The following ADAMTS17 variants were observed in gnomAD, a reference collection of about 807,000 sequenced individuals.
ADAMTS17 encodes the protein ADAM metallopeptidase with thrombospondin type 1 motif 17.
Under a neutral mutation model 141.5 loss-of-function variants are expected in ADAMTS17, and 113 were observed. The observed-to-expected ratio is 0.80, with a 90% confidence interval of 0.69 to 0.93. ADAMTS17 has a LOEUF of 0.93. Among genes scored for constraint, ADAMTS17 ranks in the 40% least tolerant of loss-of-function variants. The pLI is 0.00. For missense variants in ADAMTS17, 1,659 were observed against 1,517.9 expected (o/e 1.09, Z -1.54); for synonymous variants, 768 against 630.6 (o/e 1.22, Z -3.27).
At chr15:100,259,889 G>C (rs1284758156) in intron 6 of ADAMTS17, among the ~76,000 whole-genome samples, 2 of 152,162 alleles carry the variant, frequency 1.3e-5, no homozygotes, top group African/African-American at 4.8e-5. Context: ...TTGTCACCCA[G>C]GCTGGAGTGC....
At chr15:100,139,697 A>G (rs556533184) in intron 10 of ADAMTS17, among the ~76,000 whole-genome samples, 3 of 152,356 alleles carry the variant, frequency 2.0e-5, no homozygotes, top group Admixed American at 6.5e-5. Context: ...ATCCTTCCCA[A>G]TAACGCGGAA....
At chr15:100,222,904 G>A (rs1165056357) in intron 7 of ADAMTS17, among the ~76,000 whole-genome samples, 1 of 152,214 alleles carries the variant, frequency 6.6e-6, no homozygotes, top group Non-Finnish European at 1.5e-5. Flanking sequence ...TTTGAATTGT[G>A]TTCTTCTAAC....
In ADAMTS17 at chr15:99,997,652, C is replaced by A; in HGVS notation, c.2592-63G>T. On this transcript the variant is annotated intron_variant, in intron 18 of 21. Coordinates refer to ENST00000268070, the MANE Select transcript of ADAMTS17 (RefSeq NM_139057.4). This position sits in a 1 kb window ranked among gnomAD's most constrained non-coding sequence, Gnocchi z 4.7. ...TGAGAGGCCAGCCTCTCCGGAGGGC[C>A]TTCCGGCCGGATCCTGGAATTGCTG... 1 of 1,601,756 alleles carries A rather than the reference C, an allele frequency of 6.2e-7. No homozygotes were observed. The highest frequency in any genetic ancestry group is 2.2e-5 in the East Asian group (1 of 44,824).
At chr15:100,054,180 G>T in intron 15 of ADAMTS17, 126 bp from the exon 16 acceptor site, 5 of 1,106,220 alleles carry the variant, frequency 4.5e-6, no homozygotes, top group Non-Finnish European at 6.9e-6. Context: ...GAAGGAGGGA[G>T]GCCTGAAGCG....
At chr15:100,065,802 C>T (rs537514418) in intron 15 of ADAMTS17, among the ~76,000 whole-genome samples, 6 of 152,200 alleles carry the variant, frequency 3.9e-5, no homozygotes, top group Non-Finnish European at 7.4e-5. Flanking sequence ...TTGCTGCACC[C>T]GTCAACCCAT....
At chr15:100,173,568 G>A (rs1183472623) in intron 8 of ADAMTS17, among the ~76,000 whole-genome samples, 1 of 152,148 alleles carries the variant, frequency 6.6e-6, no homozygotes, top group African/African-American at 2.4e-5. Context: ...TACCCTTAAG[G>A]CAGGAAGCCT....
intron 7 of ADAMTS17, among the ~76,000 whole-genome samples, chr15:100,213,823 A>G (rs1238932358): frequency 6.6e-6 from 1 of 152,202 alleles, no homozygotes; most frequent in Non-Finnish European, 1.5e-5. Context: ...GAGCACACGC[A>G]CTACCAGTAG....
At chr15:100,176,182 G>T (rs2040333329) in intron 8 of ADAMTS17, among the ~76,000 whole-genome samples, 1 of 152,230 alleles carries the variant, frequency 6.6e-6, no homozygotes, top group South Asian at 2.1e-4. Context: ...AGTGAAGAAA[G>T]AAGAGTGGTT....
chr15:100,046,712 T>C (rs2031714212), intron 18 of ADAMTS17, among the ~76,000 whole-genome samples: 1 of 152,198 alleles, frequency 6.6e-6, no homozygotes, highest in African/African-American at 2.4e-5. Flanking sequence ...CCCCAATCAA[T>C]ACCCTTGTGA....
intron 15 of ADAMTS17, among the ~76,000 whole-genome samples, chr15:100,080,141 T>C (rs1007726472): frequency 2.0e-5 from 3 of 152,152 alleles, no homozygotes; most frequent in Non-Finnish European, 4.4e-5. Flanking sequence ...AGTGATCCCC[T>C]AGCAAAATTT....
At chr15:100,197,378 C>G (rs1463603025) in intron 8 of ADAMTS17, among the ~76,000 whole-genome samples, 14 of 152,188 alleles carry the variant, frequency 9.2e-5, no homozygotes, top group Admixed American at 9.2e-4. Context: ...TTCTCATAAT[C>G]ATTAGGTAAT....
chr15:99,997,460 G>T lies in ADAMTS17; in HGVS notation c.2721C>A (p.Gly907=), dbSNP rs2060824313. ...HVATRPLYCP[G]PRPAAVQSCE... is the part of the protein sequence containing the mutation. ...AGCTCTGCACTGCCGCCGGCCGGGG[G>T]CCCGGGCAGTAGAGGGGCCGCGTAG... is the stretch of plus-strand genomic sequence containing the variant. Residue 907 remains glycine (G), a synonymous_variant, in exon 19 of 22, where the codon GGC becomes GGA. Coordinates refer to ENST00000268070, the MANE Select transcript of ADAMTS17 (RefSeq NM_139057.4). This position sits in a 1 kb window ranked among gnomAD's most constrained non-coding sequence, Gnocchi z 4.7. The T allele has an allele frequency of 1.2e-6, 2 of 1,613,614 alleles. No homozygotes were observed. The highest frequency in any genetic ancestry group is 1.7e-6 in the Non-Finnish European group (2 of 1,179,984).
At chr15:100,082,188 C>T (rs550081071) in intron 15 of ADAMTS17, among the ~76,000 whole-genome samples, 101 of 152,230 alleles carry the variant, frequency 6.6e-4, no homozygotes, top group African/African-American at 2.3e-3. Context: ...GCCTCGGCCT[C>T]CCGAGTAGCT....
intron 18 of ADAMTS17, among the ~76,000 whole-genome samples, chr15:99,998,746 G>A (rs1470644780): frequency 6.6e-6 from 1 of 152,192 alleles, no homozygotes; most frequent in South Asian, 2.1e-4. Flanking sequence ...GACACACAAA[G>A]GGCTTCCAGT....
At chr15:100,087,285 C>T (rs2035170223) in intron 15 of ADAMTS17, among the ~76,000 whole-genome samples, 1 of 152,072 alleles carries the variant, frequency 6.6e-6, no homozygotes, top group African/African-American at 2.4e-5. Context: ...AAGACGAAAC[C>T]AGGAAGAAGT....
At chr15:100,183,366 T>C (rs538468334) in intron 8 of ADAMTS17, among the ~76,000 whole-genome samples, 72 of 152,300 alleles carry the variant, frequency 4.7e-4, no homozygotes, top group Middle Eastern at 3.4e-3. Context: ...ATTTTCTCTG[T>C]TCAGATTGAG....
At chr15:100,072,698 A>T (rs544673440) in intron 15 of ADAMTS17, among the ~76,000 whole-genome samples, 6,258 of 152,224 alleles carry the variant, frequency 0.041, 450 homozygotes, top group African/African-American at 0.14. Flanking sequence ...AAAACTGGCT[A>T]GCCATATGTA....
intron 15 of ADAMTS17, among the ~76,000 whole-genome samples, chr15:100,058,766 A>G (rs2032867022): frequency 6.6e-6 from 1 of 152,100 alleles, no homozygotes; most frequent in South Asian, 2.1e-4. Context: ...GCTTGTCTGT[A>G]GCGGAATGGG....
At chr15:100,318,967 C>T (rs2045647220) in intron 3 of ADAMTS17, among the ~76,000 whole-genome samples, 1 of 152,230 alleles carries the variant, frequency 6.6e-6, no homozygotes, top group South Asian at 2.1e-4. Flanking sequence ...CAGTACAAAT[C>T]CCCAAGCCTG....
Sources: allele counts gnomAD v4.1 joint callset (sites outside exome capture counted in the v4.1 genomes callset), GRCh38; gene constraint gnomAD v4.1.1; non-coding constraint Gnocchi (gnomAD v3.1); transcripts MANE v1.5; gene names NCBI Gene and HGNC (gene_info 2026-07-23, HGNC 2026-07-21).